The following RANBP3 variants were observed in gnomAD, a reference collection of about 807,000 sequenced individuals.
RANBP3 encodes the protein ran-binding protein 3.
In RANBP3, 14 loss-of-function variants were observed where a neutral mutation model predicts 77.3. The ratio of observed to expected loss-of-function variants is 0.18; its 90% CI spans 0.12 to 0.28. The LOEUF (loss-of-function observed/expected upper bound fraction) is 0.28. RANBP3 is among the 10% of genes least tolerant of loss of function. The pLI is 1.00. For synonymous variants in RANBP3, 315 were observed against 312.4 expected (o/e 1.01, Z -0.09); for missense variants, 586 against 752.3 (o/e 0.78, Z 2.59).
At chr19:5,975,923 C>T (rs1235640317) in intron 1 of RANBP3, among the ~76,000 whole-genome samples, 1 of 151,908 alleles carries the variant, frequency 6.6e-6, no homozygotes, top group African/African-American at 2.4e-5. Context: ...CAGAGCAAGG[C>T]AGCAGAGAGT....
At chr19:5,935,545 C>G (rs2058052487) in intron 5 of RANBP3, 1 of 296,988 alleles carries the variant, frequency 3.4e-6, no homozygotes, top group African/African-American at 2.2e-5. Flanking sequence ...GCTCTCCACG[C>G]TGATGTTTTG....
intron 2 of RANBP3, among the ~76,000 whole-genome samples, chr19:5,955,197 T>C (rs2058321907): frequency 6.6e-6 from 1 of 152,218 alleles, no homozygotes; most frequent in Non-Finnish European, 1.5e-5. Context: ...AGTGGTGCGA[T>C]CTCAGCTCAC....
chr19:5,918,029 T>C (rs924042727), intron 15 of RANBP3, 49 bp from the exon 16 acceptor site: 1 of 1,517,630 alleles, frequency 6.6e-7, no homozygotes, highest in Non-Finnish European at 8.9e-7. Context: ...TCCTACCCCC[T>C]CCTGCCTTCT....
At chr19:5,922,809 GCACA>G (rs2057841652) in intron 13 of RANBP3, among the ~76,000 whole-genome samples, 2 of 152,156 alleles carry the variant, frequency 1.3e-5, no homozygotes, top group Non-Finnish European at 2.9e-5. Context: ...GCGTGGTGGT[GCACA>G]CCTGTAATCC....
intron 3 of RANBP3, among the ~76,000 whole-genome samples, chr19:5,942,217 G>C (rs34457874): frequency 3.9e-5 from 6 of 152,128 alleles, no homozygotes; most frequent in Non-Finnish European, 8.8e-5. Flanking sequence ...TGAGGGCAGC[G>C]GACTTGTGTA....
Position 5,958,243 on chromosome 19 carries a change from C to T in RANBP3, c.23-270G>A, listed in dbSNP as rs1005839618. ...GTTTTCAAGACTCACTGAGAGCGGG[C>T]GTGTAAATGGGAGTGGGAGAGCAGC... On this transcript the variant is annotated intron_variant, in intron 1 of 16. Transcript: ENST00000340578. This position sits in a 1 kb window ranked among gnomAD's most constrained non-coding sequence, Gnocchi z 4.4. Among the ~76,000 whole-genome samples, 23 of 152,092 alleles carry T rather than the reference C, an allele frequency of 1.5e-4. No homozygotes were observed. The highest frequency in any genetic ancestry group is 5.3e-4 in the African/African-American group (22 of 41,420).
At chr19:5,955,207 C>T (rs973721077) in intron 2 of RANBP3, among the ~76,000 whole-genome samples, 1 of 152,218 alleles carries the variant, frequency 6.6e-6, no homozygotes, top group African/African-American at 2.4e-5. Flanking sequence ...TCTCAGCTCA[C>T]TGTAACCTCC....
At chr19:5,972,348 G>A (rs2058540678) in intron 1 of RANBP3, among the ~76,000 whole-genome samples, 1 of 152,214 alleles carries the variant, frequency 6.6e-6, no homozygotes, top group Non-Finnish European at 1.5e-5. Context: ...GACTACTGAG[G>A]AGGAAGCAAA....
chr19:5,919,289 C>T (rs980652014), intron 14 of RANBP3, among the ~76,000 whole-genome samples: 7 of 152,230 alleles, frequency 4.6e-5, no homozygotes, highest in African/African-American at 9.6e-5. Flanking sequence ...GGGCCCACCC[C>T]GTGGACTCAG....
At chr19:5,946,029 GCCT>G (rs1323836093) in intron 3 of RANBP3, among the ~76,000 whole-genome samples, 1 of 151,800 alleles carries the variant, frequency 6.6e-6, no homozygotes, top group East Asian at 1.9e-4. Context: ...TGGCCATGTG[GCCT>G]CCTGTTTTCT....
At chr19:5,970,081 G>C (rs2058513124) in intron 1 of RANBP3, among the ~76,000 whole-genome samples, 1 of 152,150 alleles carries the variant, frequency 6.6e-6, no homozygotes, top group South Asian at 2.1e-4. Flanking sequence ...TGGGGGTGTG[G>C]AGGAAACTGT....
chr19:5,933,389 C>A (rs751890257), intron 6 of RANBP3, 25 bp downstream of exon 6: 1 of 1,589,302 alleles, frequency 6.3e-7, no homozygotes, highest in Non-Finnish European at 8.6e-7. Context: ...AGCCACCCCC[C>A]GCCCCAGGGA....
chr19:5,946,112 G>A (rs749733417), intron 3 of RANBP3, among the ~76,000 whole-genome samples: 3 of 152,236 alleles, frequency 2.0e-5, no homozygotes, highest in Admixed American at 6.5e-5. Context: ...AGGTCCCTGC[G>A]TGTCTGAGAT....
At chr19:5,962,225 C>A (rs989075942) in intron 1 of RANBP3, among the ~76,000 whole-genome samples, 1 of 152,116 alleles carries the variant, frequency 6.6e-6, no homozygotes, top group Non-Finnish European at 1.5e-5. Flanking sequence ...TTTACTAAGC[C>A]CTCATTCTGT....
At position 5,941,651 on chromosome 19, in the gene RANBP3, A is replaced by G. The variant is rs1174370711; in HGVS notation, c.376T>C (p.Ser126Pro). The G allele has an allele frequency of 1.9e-6, 3 of 1,613,762 alleles. No homozygotes were observed. The highest frequency in any genetic ancestry group is 2.2e-5 in the East Asian group (1 of 44,880). Reference protein sequence around the residue: ...CPPVKRERTSSLTQFPPSQSE... With the variant: ...CPPVKRERTSPLTQFPPSQSE... ...TGTGAGGGTGGGAACTGGGTTAAAG[A>G]GGATGTTCTTTCTCGCTTGACAGGA... Residue 126 changes from serine to proline, a missense_variant, in exon 5 of 17, where the codon TCT (serine) becomes CCT (proline). Coordinates refer to ENST00000340578, the MANE Select transcript of RANBP3 (RefSeq NM_007322.3).
intron 1 of RANBP3, chr19:5,965,613 C>T (rs1261929897): frequency 6.6e-6 from 1 of 152,190 alleles, no homozygotes; most frequent in South Asian, 2.1e-4. Context: ...TCTCTGCAGC[C>T]TACTGCAAGC....
At position 5,959,944 on chromosome 19, in the gene RANBP3, A is replaced by C. The variant is rs550652241; in HGVS notation, c.23-1971T>G. Among the ~76,000 whole-genome samples the C allele has an allele frequency of 6.6e-6, 1 of 152,146 alleles. No individual in the cohort carries two copies. The highest frequency in any genetic ancestry group is 2.4e-5 in the African/African-American group (1 of 41,504). ...TCCCCCTGTCCCCCAGTTCAGATGG[A>C]GCCAAGCTCAGCCCCAGCTCCAGGC... On this transcript the variant is annotated intron_variant, in intron 1 of 16. Transcript: ENST00000340578. The surrounding 1 kb of genome is among the most constrained non-coding windows in gnomAD (Gnocchi z 5.1).
At chr19:5,937,055 C>CGAAAAAAAAAA (rs1568458812) in intron 5 of RANBP3, among the ~76,000 whole-genome samples, 1 of 7,156 alleles carries the variant, frequency 1.4e-4, no homozygotes, top group Admixed American at 2.5e-3. Flanking sequence ...GACTCTGTCT[C>CGAAAAAAAAAA]CAAAAAAAAA....
chr19:5,975,867 T>G (rs1456791656), intron 1 of RANBP3, among the ~76,000 whole-genome samples: 2 of 150,316 alleles, frequency 1.3e-5, no homozygotes, highest in Non-Finnish European at 3.0e-5. Flanking sequence ...AAGCGGGGAG[T>G]GTATGCAACA....
Sources: gnomAD v4.1 joint callset for allele counts (sites outside exome capture counted in the v4.1 genomes callset) on GRCh38, gnomAD v4.1.1 for gene constraint, Gnocchi (gnomAD v3.1) non-coding constraint, MANE v1.5 for transcripts, NCBI Gene and HGNC (gene_info 2026-07-23, HGNC 2026-07-21) for gene names.